Variants in NEAT1 observed in about 807,000 individuals in gnomAD.
NEAT1 encodes the protein nuclear paraspeckle assembly transcript 1, also known as MENepsilon/beta.
At chr11:65,423,390 A>T (rs1856521144) in exon 1 of NEAT1, 1 of 151,962 alleles carries the variant, frequency 6.6e-6, no homozygotes, top group Non-Finnish European at 1.5e-5. Flanking sequence ...GGTGGTATGT[A>T]ATTTTCGCTC....
exon 1 of NEAT1, chr11:65,428,486 A>C (rs1856583378): frequency 6.6e-6 from 1 of 152,220 alleles, no homozygotes; most frequent in Admixed American, 6.5e-5. Context: ...AGGAAGTGTC[A>C]TCCTCTGGCT....
chr11:65,438,683 G>A (rs994408955), exon 1 of NEAT1: 2 of 152,138 alleles, frequency 1.3e-5, no homozygotes, highest in African/African-American at 2.4e-5. Context: ...TTCACTTAGC[G>A]GGTTTTCAGG....
At chr11:65,437,290 T>C (rs1856670906) in exon 1 of NEAT1, 1 of 149,928 alleles carries the variant, frequency 6.7e-6, no homozygotes, top group South Asian at 2.1e-4. Flanking sequence ...TGTGAGTAGT[T>C]TGAAAAGGCT....
At chr11:65,425,465 A>G (rs1856551708) in exon 1 of NEAT1, 1 of 152,180 alleles carries the variant, frequency 6.6e-6, no homozygotes, top group African/African-American at 2.4e-5. Flanking sequence ...TCAGACTTGC[A>G]TACGCAGCAG....
chr11:65,430,160 T>A, exon 1 of NEAT1: 1 of 152,318 alleles, frequency 6.6e-6, no homozygotes, highest in Non-Finnish European at 1.5e-5. Context: ...TGAATGTAGA[T>A]GTTTGGCAGC....
At chr11:65,428,659 A>C (rs1186950768) in exon 1 of NEAT1, 2 of 152,190 alleles carry the variant, frequency 1.3e-5, no homozygotes, top group Non-Finnish European at 2.9e-5. Flanking sequence ...CATTACGAAA[A>C]GATGAACAGG....
At chr11:65,444,407 G>T (rs368357900) in exon 1 of NEAT1, 9 of 469,734 alleles carry the variant, frequency 1.9e-5, no homozygotes, top group African/African-American at 1.8e-4. Flanking sequence ...TCTCACCCTG[G>T]CCTGACATGT....
exon 1 of NEAT1, chr11:65,437,195 G>GTATATATATATGTATATATATATA (rs1856665458): frequency 1.5e-5 from 2 of 129,052 alleles, no homozygotes; most frequent in African/African-American, 3.0e-5. Context: ...ATATATATAT[G>GTATATATATATGTATATATATATA]TATATATATA....
At chr11:65,430,563 A>G (rs1856606327) in exon 1 of NEAT1, 1 of 152,218 alleles carries the variant, frequency 6.6e-6, no homozygotes, top group Non-Finnish European at 1.5e-5. Flanking sequence ...GTGCTCAAAA[A>G]AGATCATGAA....
exon 1 of NEAT1, chr11:65,430,473 C>T (rs1856605591): frequency 6.6e-6 from 1 of 152,160 alleles, no homozygotes; most frequent in South Asian, 2.1e-4. Context: ...AAGGAAGTCC[C>T]ATGGATGGGT....
exon 1 of NEAT1, chr11:65,436,043 G>A (rs907959641): frequency 1.1e-4 from 16 of 152,238 alleles, no homozygotes; most frequent in African/African-American, 2.2e-4. Flanking sequence ...TGGGCACAGC[G>A]TGGCTGCTTC....
exon 1 of NEAT1, chr11:65,431,709 C>G (rs1856615227): frequency 1.3e-5 from 2 of 152,080 alleles, no homozygotes; most frequent in Non-Finnish European, 2.9e-5. Context: ...TGTATGTTGT[C>G]TTTGGAAAAA....
chr11:65,423,153 T>G (rs1856516721), exon 1 of NEAT1: 1 of 151,200 alleles, frequency 6.6e-6, no homozygotes, highest in East Asian at 1.9e-4. Flanking sequence ...CAGGGAGAGG[T>G]AGAAGGGGTG....
At chr11:65,434,866 A>G (rs1201475808) in exon 1 of NEAT1, 2 of 152,214 alleles carry the variant, frequency 1.3e-5, no homozygotes, top group Non-Finnish European at 2.9e-5. Context: ...TCTATCATGT[A>G]TGCAGTGACC....
At chr11:65,427,396 A>G (rs1306829093) in exon 1 of NEAT1, 4 of 152,358 alleles carry the variant, frequency 2.6e-5, no homozygotes, top group African/African-American at 9.7e-5. Flanking sequence ...AGGGGGACCA[A>G]CACAAATGGT....
At chr11:65,424,608 G>A (rs556180460) in exon 1 of NEAT1, 2 of 152,312 alleles carry the variant, frequency 1.3e-5, no homozygotes, top group South Asian at 4.1e-4. Flanking sequence ...TATATTAGAG[G>A]AAGCAGATTG....
exon 1 of NEAT1, chr11:65,444,379 G>A (rs577591927): frequency 4.1e-5 from 19 of 458,886 alleles, no homozygotes; most frequent in South Asian, 3.0e-4. Context: ...TCATCAGGAT[G>A]AGTAGAAGGC....
chr11:65,445,451 T>A (rs1261460401), exon 1 of NEAT1: 1 of 152,142 alleles, frequency 6.6e-6, no homozygotes, highest in Non-Finnish European at 1.5e-5. Flanking sequence ...CCGCCGCAGG[T>A]GTTTCTTTTA....
exon 1 of NEAT1, chr11:65,438,467 T>C (rs1437152935): frequency 6.6e-6 from 1 of 152,178 alleles, no homozygotes; most frequent in African/African-American, 2.4e-5. Context: ...ATCGACACTA[T>C]CCATTTCTAG....
Sources: gnomAD v4.1 joint callset for allele counts on GRCh38, gnomAD v4.1.1 for gene constraint, MANE v1.5 for transcripts, NCBI Gene and HGNC (gene_info 2026-07-23, HGNC 2026-07-21) for gene names.